The following ABLIM2 variants were observed in gnomAD, a reference collection of about 807,000 sequenced individuals.
ABLIM2 encodes the protein actin binding LIM protein family member 2, also known as actin-binding LIM protein 2.
ABLIM2 carries 53 observed loss-of-function variants against 97.7 expected under a neutral mutation model. The ratio of observed to expected loss-of-function variants is 0.54; its 90% CI spans 0.44 to 0.68. The LOEUF (loss-of-function observed/expected upper bound fraction) is 0.68, where lower values mean the gene tolerates loss of function less well. ABLIM2 is among the 30% of genes least tolerant of loss of function. The pLI, the probability that ABLIM2 is intolerant of heterozygous loss-of-function variation, is 0.00. For missense variants in ABLIM2, 835 were observed against 867.2 expected, an observed-to-expected ratio of 0.96 and a Z score of 0.47; for synonymous variants, 361 against 345.8, an observed-to-expected ratio of 1.04 and a Z score of -0.49.
In ABLIM2 at chr4:8,008,121, G is replaced by A. The variant is rs1247940793; in HGVS notation, c.1556C>T (p.Ser519Phe). ...NSPDLDTQSL[S>F]HSSGTDRDPL... is the part of the protein sequence containing the mutation. ...GTCTCTGTCGGTCCCGCTGCTGTGG[G>A]ACAAGGACTGGGTGTCCAGGTCTGG... Residue 519 changes from serine to phenylalanine, a missense_variant, in exon 16 of 21, where the codon TCC becomes TTC. Coordinates refer to ENST00000447017, the MANE Select transcript of ABLIM2 (RefSeq NM_001130083.2). The A allele has an allele frequency of 6.2e-7, 1 of 1,614,060 alleles. No homozygotes were observed. The highest frequency in any genetic ancestry group is 1.1e-5 in the South Asian group (1 of 91,086).
At chr4:8,080,066 A>G (rs1818806126) in intron 5 of ABLIM2, among the ~76,000 whole-genome samples, 1 of 152,114 alleles carries the variant, frequency 6.6e-6, no homozygotes, top group Admixed American at 6.6e-5. Flanking sequence ...AGCTGCCTCC[A>G]TTCAAGGCCA....
rs974963023 is a variant in ABLIM2 at position 8,116,986 on chromosome 4, C to G, written c.11-10349G>C. Reference sequence around the variant, plus strand: ...CTGGTATAGACAGTAGGAGAGGGGACTCAGTGGCGACGCCTGGTCTCCTCA... The same window carrying G: ...CTGGTATAGACAGTAGGAGAGGGGAGTCAGTGGCGACGCCTGGTCTCCTCA... On this transcript the variant is annotated intron_variant, in intron 1 of 20. Coordinates refer to ENST00000447017, the MANE Select transcript of ABLIM2 (RefSeq NM_001130083.2). 2.0e-5 allele frequency among the ~76,000 whole-genome samples: 3 copies of G among 152,346 alleles called. No individual in the cohort carries two copies. The East Asian group carries it at 5.8e-4, about 29-fold the overall frequency.
Position 8,082,975 on chromosome 4 carries a change from G to A in ABLIM2, c.455-2173C>T, listed in dbSNP as rs573270433. On this transcript the variant is annotated intron_variant, in intron 4 of 20. Coordinates refer to ENST00000447017, the MANE Select transcript of ABLIM2 (RefSeq NM_001130083.2). The surrounding 1 kb of genome is among the most constrained non-coding windows in gnomAD (Gnocchi z 5.6). The stretch of plus-strand genomic sequence containing the variant: ...CTCAACTTGGGGCACTTTTGCCCAA[G>A]AGACATTTGGCAATGTCTGGCGACC... 6.6e-6 allele frequency among the ~76,000 whole-genome samples: 1 copy of A among 152,298 alleles called. No individual in the cohort carries two copies. The highest frequency in any genetic ancestry group is 2.4e-5 in the African/African-American group (1 of 41,578).
At chr4:8,131,271 C>T (rs1020510911) in intron 1 of ABLIM2, among the ~76,000 whole-genome samples, 6 of 152,146 alleles carry the variant, frequency 3.9e-5, no homozygotes, top group Non-Finnish European at 7.4e-5. Flanking sequence ...ATGTAAATGG[C>T]GAACAAAAAA....
In ABLIM2 at chr4:8,082,788, G is replaced by A. The variant is rs967930057; in HGVS notation, c.455-1986C>T. Among the ~76,000 whole-genome samples, 6 of 152,156 alleles carry A rather than the reference G, an allele frequency of 3.9e-5. No homozygotes were observed. Among genetic ancestry groups the A allele is most frequent in the Admixed American group, 6.5e-5 (1 of 15,270 alleles). On this transcript the variant is annotated intron_variant, in intron 4 of 20. Transcript: ENST00000447017. This position sits in a 1 kb window ranked among gnomAD's most constrained non-coding sequence, Gnocchi z 5.6. Reference sequence around the variant, plus strand: ...GGAACCAAAGTGAGAGGATGCCTCCGCCCTTCTCAAGTCCAGGAGGCGACC... The same window carrying A: ...GGAACCAAAGTGAGAGGATGCCTCCACCCTTCTCAAGTCCAGGAGGCGACC...
Position 8,149,773 on chromosome 4 carries a change from C to A in ABLIM2, c.10+8907G>T, listed in dbSNP as rs575461997. Among the ~76,000 whole-genome samples the A allele has an allele frequency of 6.6e-6, 1 of 151,990 alleles. No homozygotes were observed. Among genetic ancestry groups the A allele is most frequent in the Non-Finnish European group, 1.5e-5 (1 of 68,008 alleles). The stretch of plus-strand genomic sequence containing the variant: ...TTGACTGCTGGACACAGAGAAGGCC[C>A]GGACCTAGGCTGAGACTTCCCCAGC... On this transcript the variant is annotated intron_variant, in intron 1 of 20. Transcript: ENST00000447017. This position sits in a 1 kb window ranked among gnomAD's most constrained non-coding sequence, Gnocchi z 6.4.
At chr4:8,076,080 T>G (rs1255626391) in intron 6 of ABLIM2, among the ~76,000 whole-genome samples, 1 of 152,130 alleles carries the variant, frequency 6.6e-6, no homozygotes, top group Non-Finnish European at 1.5e-5. Flanking sequence ...CACAGAGGAG[T>G]GCAGAGCTCT....
At chr4:7,995,551 G>C (rs1017146321) in intron 16 of ABLIM2, among the ~76,000 whole-genome samples, 4 of 152,222 alleles carry the variant, frequency 2.6e-5, no homozygotes, top group African/African-American at 7.2e-5. Flanking sequence ...AATGAGGACA[G>C]AGAAGAAATT....
At position 8,083,863 on chromosome 4, in the gene ABLIM2, C is replaced by G. The variant is rs1000814133; in HGVS notation, c.455-3061G>C. ...TAACCCTCCTAGAACCTTCCACTTT[C>G]CTATTTTCCCCAAAAGGCTCCCTCT... On this transcript the variant is annotated intron_variant, in intron 4 of 20. Coordinates refer to ENST00000447017, the MANE Select transcript of ABLIM2 (RefSeq NM_001130083.2). The surrounding 1 kb of genome is among the most constrained non-coding windows in gnomAD (Gnocchi z 4.6). Among the ~76,000 whole-genome samples, 1 of 152,200 alleles carries G rather than the reference C, an allele frequency of 6.6e-6. No homozygotes were observed. Among genetic ancestry groups the G allele is most frequent in the Non-Finnish European group, 1.5e-5 (1 of 68,028 alleles).
chr4:8,087,979 C>CA lies in ABLIM2; in HGVS notation c.454+189dup. Among the ~76,000 whole-genome samples, 2 of 137,266 alleles carry CA rather than the reference C, an allele frequency of 1.5e-5. No homozygotes were observed. 90.1% of individuals were successfully genotyped at this position (137,266 alleles called of 152,430 possible). ...TGCAGAGACCAAGCCCCCAACTCAG[C>CA]ACCCCCCCCACAACCAGCAAGCCCC... On this transcript the variant is annotated intron_variant, in intron 4 of 20. Coordinates refer to ENST00000447017, the MANE Select transcript of ABLIM2 (RefSeq NM_001130083.2). This position sits in a 1 kb window ranked among gnomAD's most constrained non-coding sequence, Gnocchi z 4.6.
In ABLIM2 at chr4:8,042,285, T is replaced by C. The variant is rs149343039; in HGVS notation, c.900+2879A>G. Among the ~76,000 whole-genome samples, 346 of 152,266 alleles carry C rather than the reference T, an allele frequency of 2.3e-3. 1 individual carries two copies. Among genetic ancestry groups the C allele is most frequent in the African/African-American group, 7.9e-3 (327 of 41,548 alleles). On this transcript the variant is annotated intron_variant, in intron 9 of 20. Transcript: ENST00000447017. The stretch of plus-strand genomic sequence containing the variant: ...AGAAGTTCCTCCCCAAAGCCAGCCA[T>C]GAAGCCTAGAAACATGAGTCTAACC...
chr4:8,065,534 G>A (rs1334080242), intron 6 of ABLIM2, among the ~76,000 whole-genome samples: 4 of 152,220 alleles, frequency 2.6e-5, no homozygotes, highest in Non-Finnish European at 5.9e-5. Context: ...GTGGAAGACA[G>A]TGTATTGGTT....
At chr4:8,011,556 T>C (rs1214312567) in intron 14 of ABLIM2, among the ~76,000 whole-genome samples, 1 of 152,194 alleles carries the variant, frequency 6.6e-6, no homozygotes, top group Non-Finnish European at 1.5e-5. Flanking sequence ...ATAACCTGCA[T>C]GGATGCTGGA....
intron 14 of ABLIM2, among the ~76,000 whole-genome samples, chr4:8,014,952 G>A (rs931908590): frequency 8.5e-5 from 12 of 141,518 alleles, no homozygotes; most frequent in Non-Finnish European, 1.8e-4. Flanking sequence ...ACAGAGTCTC[G>A]TTCTGTCACC....
chr4:7,991,117 T>G (rs1180389298), intron 17 of ABLIM2, among the ~76,000 whole-genome samples: 1 of 152,214 alleles, frequency 6.6e-6, no homozygotes, highest in Non-Finnish European at 1.5e-5. Context: ...TCTCAATAGT[T>G]CTAGGAGAGG....
At chr4:8,042,361 C>T (rs1423504320) in intron 9 of ABLIM2, among the ~76,000 whole-genome samples, 4 of 152,198 alleles carry the variant, frequency 2.6e-5, no homozygotes, top group African/African-American at 9.7e-5. Context: ...TCTGACCTAG[C>T]TTGCCTGAGA....
intron 14 of ABLIM2, among the ~76,000 whole-genome samples, chr4:8,012,609 C>T (rs539349016): frequency 5.5e-4 from 84 of 151,792 alleles, no homozygotes; most frequent in African/African-American, 1.9e-3. Flanking sequence ...TCCATCGAGC[C>T]AGCCACCCAA....
intron 1 of ABLIM2, among the ~76,000 whole-genome samples, chr4:8,156,200 C>G (rs574643380): frequency 2.8e-4 from 43 of 151,838 alleles, no homozygotes; most frequent in African/African-American, 9.9e-4. Flanking sequence ...CACCCCACCC[C>G]CTGCCCCAGC....
chr4:8,050,575 C>G lies in ABLIM2; in HGVS notation c.822+3613G>C, dbSNP rs577856380. 2.1e-3 allele frequency among the ~76,000 whole-genome samples: 327 copies of G among 152,362 alleles called. 1 individual carries two copies. Among genetic ancestry groups the G allele is most frequent in the African/African-American group, 7.5e-3 (313 of 41,580 alleles). ...AGGTAGCACTGAGAAGCTACTTCCA[C>G]CTGGGTGTCGGGTTTCCAAAAACAA... On this transcript the variant is annotated intron_variant, in intron 8 of 20. Transcript: ENST00000447017.
Sources: allele counts gnomAD v4.1 joint callset (sites outside exome capture counted in the v4.1 genomes callset), GRCh38; gene constraint gnomAD v4.1.1; non-coding constraint Gnocchi (gnomAD v3.1); transcripts MANE v1.5; gene names NCBI Gene and HGNC (gene_info 2026-07-23, HGNC 2026-07-21).